Variants in ST6GALNAC5 observed in about 807,000 individuals in gnomAD.
The protein encoded by ST6GALNAC5 is ST6 N-acetylgalactosaminide alpha-2,6-sialyltransferase 5.
ST6GALNAC5 carries 27 observed loss-of-function variants against 33.6 expected under a neutral mutation model. The ratio of observed to expected loss-of-function variants is 0.80; its 90% CI spans 0.59 to 1.11. The LOEUF (loss-of-function observed/expected upper bound fraction) is 1.11. ST6GALNAC5 is among the 50% of genes least tolerant of loss of function. The probability of loss-of-function intolerance (pLI) is 0.00; values close to 1 mark genes in which losing one functional copy is unlikely to be tolerated. For synonymous variants in ST6GALNAC5, 194 were observed against 171.2 expected (o/e 1.13, Z -1.04); for missense variants, 428 against 454.0 (o/e 0.94, Z 0.52).
At chr1:76,880,744 G>GCA (rs1251912514) in intron 2 of ST6GALNAC5, among the ~76,000 whole-genome samples, 1 of 151,996 alleles carries the variant, frequency 6.6e-6, no homozygotes, top group African/African-American at 2.4e-5. Flanking sequence ...ATCCCTTTTG[G>GCA]CACACACACA....
chr1:76,995,728 C>T (rs796580372), intron 2 of ST6GALNAC5, among the ~76,000 whole-genome samples: 40 of 152,080 alleles, frequency 2.6e-4, no homozygotes, highest in African/African-American at 9.4e-4. Flanking sequence ...CATCAGCACA[C>T]ACTTAGAACC....
At position 77,020,194 on chromosome 1, in the gene ST6GALNAC5, A is replaced by C. The variant is rs542486512; in HGVS notation, c.262-24010A>C. 9.2e-5 allele frequency among the ~76,000 whole-genome samples: 14 copies of C among 152,324 alleles called. No homozygotes were observed. In the South Asian group the frequency reaches 2.9e-3, roughly 32 times the overall value. On this transcript the variant is annotated intron_variant, in intron 2 of 4. Coordinates refer to ENST00000477717, the MANE Select transcript of ST6GALNAC5 (RefSeq NM_030965.3). ...GCCTCTTTATGAGGTATATGAAGAT[A>C]ACAAGCATGCTTTTGAGGGGATTCT...
At chr1:76,923,123 C>T (rs1255769040) in intron 2 of ST6GALNAC5, among the ~76,000 whole-genome samples, 1 of 151,848 alleles carries the variant, frequency 6.6e-6, no homozygotes, top group Non-Finnish European at 1.5e-5. Flanking sequence ...AGTGTCAGTA[C>T]CCTGGTTATG....
At chr1:77,051,679 CA>C (rs1437524275) in intron 4 of ST6GALNAC5, among the ~76,000 whole-genome samples, 6 of 152,182 alleles carry the variant, frequency 3.9e-5, no homozygotes, top group African/African-American at 1.4e-4. Context: ...AGTGCTGCCT[CA>C]CTTAATTCAC....
chr1:77,018,970 T>C (rs1364795128), intron 2 of ST6GALNAC5, among the ~76,000 whole-genome samples: 2 of 152,208 alleles, frequency 1.3e-5, no homozygotes, highest in East Asian at 3.8e-4. Flanking sequence ...GGGACTCAGA[T>C]GGCTTCAGCC....
chr1:76,926,026 C>T (rs1028179947), intron 2 of ST6GALNAC5, among the ~76,000 whole-genome samples: 1 of 152,270 alleles, frequency 6.6e-6, no homozygotes, highest in Admixed American at 6.5e-5. Flanking sequence ...AGCTCCGTGC[C>T]TCCCACTCCA....
rs546303222 is a variant in ST6GALNAC5, at chr1:76,941,500, C to T, written c.261+72758C>T. 2.0e-5 allele frequency among the ~76,000 whole-genome samples: 3 copies of T among 152,194 alleles called. No individual in the cohort carries two copies. The South Asian group carries it at 6.2e-4, about 32-fold the overall frequency. Reference sequence around the variant, plus strand: ...TATCCCACCTCCTAATCACTAGAACCTATAAATGTAGCCTTTTTCAGAAAA... The same window carrying T: ...TATCCCACCTCCTAATCACTAGAACTTATAAATGTAGCCTTTTTCAGAAAA... On this transcript the variant is annotated intron_variant, in intron 2 of 4. Coordinates refer to ENST00000477717, the MANE Select transcript of ST6GALNAC5 (RefSeq NM_030965.3).
Position 77,027,754 on chromosome 1 carries a change from C to T in ST6GALNAC5, c.262-16450C>T, listed in dbSNP as rs1329677318. 5.3e-5 allele frequency among the ~76,000 whole-genome samples: 8 copies of T among 152,096 alleles called. 1 individual carries two copies. Among genetic ancestry groups the T allele is most frequent in the Non-Finnish European group, 1.2e-4 (8 of 68,018 alleles). Reference sequence around the variant, plus strand: ...GACTGAAGTTGAGTTCAGCTTTAGACGTGTTTGGTGGTGATGTTCTGATGT... The same window carrying T: ...GACTGAAGTTGAGTTCAGCTTTAGATGTGTTTGGTGGTGATGTTCTGATGT... On this transcript the variant is annotated intron_variant, in intron 2 of 4. Transcript: ENST00000477717.
chr1:76,933,876 C>G (rs1435714814), intron 2 of ST6GALNAC5, among the ~76,000 whole-genome samples: 2 of 151,630 alleles, frequency 1.3e-5, no homozygotes, highest in Non-Finnish European at 2.9e-5. Flanking sequence ...ATAAATAATC[C>G]TCTTACTGCA....
chr1:76,991,839 GCACACACACA>G (rs4032991), intron 2 of ST6GALNAC5, among the ~76,000 whole-genome samples: 3 of 149,352 alleles, frequency 2.0e-5, no homozygotes, highest in African/African-American at 7.3e-5. Flanking sequence ...ACGCGTGTGC[GCACACACACA>G]CACACACACA....
intron 2 of ST6GALNAC5, among the ~76,000 whole-genome samples, chr1:77,001,991 G>C (rs939455229): frequency 2.0e-5 from 3 of 152,150 alleles, no homozygotes; most frequent in Non-Finnish European, 4.4e-5. Flanking sequence ...CTATCAGGAT[G>C]ATGCTGGCCT....
rs755275791 is a variant in ST6GALNAC5, at chr1:76,868,594, A to C, written c.113A>C (p.Gln38Pro). The change falls in exon 2 of 5, where the codon CAG becomes CCG. Residue 38 changes from glutamine to proline, a missense_variant. By Grantham distance (76) the Gln-to-Pro change is moderately conservative. Transcript: ENST00000477717. The surrounding 1 kb of genome is among the most constrained non-coding windows in gnomAD (Gnocchi z 4.3). ...SLGGQKERPP[Q>P]QQQQQQQQQQ... ...GGCGGCCAGAAGGAGCGGCCCCCGC[A>C]GCAGCAGCAGCAGCAGCAGCAACAG... is the stretch of plus-strand genomic sequence containing the variant. 4.0e-6 allele frequency: 6 copies of C among 1,517,856 alleles called. No individual in the cohort carries two copies. Among genetic ancestry groups the C allele is most frequent in the African/African-American group, 1.4e-5 (1 of 69,244 alleles). 94.0% of individuals were successfully genotyped at this position (1,517,856 alleles called of 1,614,324 possible). A position where few individuals can be genotyped will look rare whatever the true frequency, so the allele number is the denominator to read the frequency against.
At chr1:76,929,676 C>T (rs1031285736) in intron 2 of ST6GALNAC5, among the ~76,000 whole-genome samples, 1 of 152,096 alleles carries the variant, frequency 6.6e-6, no homozygotes, top group African/African-American at 2.4e-5. Flanking sequence ...TGTGCTAGGT[C>T]TGAATTGAGA....
chr1:76,952,743 G>T (rs530546054), intron 2 of ST6GALNAC5, among the ~76,000 whole-genome samples: 78 of 151,724 alleles, frequency 5.1e-4, no homozygotes, highest in Non-Finnish European at 1.0e-3. Context: ...AAAACACCAT[G>T]GTCACAAAAA....
intron 2 of ST6GALNAC5, among the ~76,000 whole-genome samples, chr1:76,923,479 G>T (rs1001477075): frequency 5.9e-5 from 9 of 151,986 alleles, no homozygotes; most frequent in Admixed American, 5.9e-4. Flanking sequence ...GATCACTTGA[G>T]GTCAGGAGTT....
intron 4 of ST6GALNAC5, among the ~76,000 whole-genome samples, chr1:77,062,521 A>G (rs764416818): frequency 6.6e-6 from 1 of 152,182 alleles, no homozygotes; most frequent in Non-Finnish European, 1.5e-5. Context: ...GATTAGGAGA[A>G]GACTTAGAAG....
intron 2 of ST6GALNAC5, among the ~76,000 whole-genome samples, chr1:76,893,639 A>G (rs933236248): frequency 1.4e-4 from 21 of 152,114 alleles, no homozygotes; most frequent in African/African-American, 5.1e-4. Flanking sequence ...GACACTATCT[A>G]TTCATTTATT....
intron 2 of ST6GALNAC5, among the ~76,000 whole-genome samples, chr1:76,966,540 G>T (rs1344966173): frequency 6.6e-6 from 1 of 152,110 alleles, no homozygotes; most frequent in Non-Finnish European, 1.5e-5. Context: ...CATGTCATCT[G>T]CAAAAAGGGA....
At chr1:76,947,381 C>T (rs1647558871) in intron 2 of ST6GALNAC5, among the ~76,000 whole-genome samples, 1 of 151,950 alleles carries the variant, frequency 6.6e-6, no homozygotes, top group Non-Finnish European at 1.5e-5. Flanking sequence ...TCATTCAAAC[C>T]ACCTTAAAAG....
Sources: gnomAD v4.1 joint callset for allele counts (sites outside exome capture counted in the v4.1 genomes callset) on GRCh38, gnomAD v4.1.1 for gene constraint, Gnocchi (gnomAD v3.1) non-coding constraint, MANE v1.5 for transcripts, NCBI Gene and HGNC (gene_info 2026-07-23, HGNC 2026-07-21) for gene names.